The following SLC35F3 variants were observed in gnomAD, a reference collection of about 807,000 sequenced individuals.
SLC35F3 encodes putative thiamine transporter SLC35F3.
Under a neutral mutation model 49.9 loss-of-function variants are expected in SLC35F3, and 25 were observed. The ratio of observed to expected loss-of-function variants is 0.50; its 90% CI spans 0.37 to 0.70. The LOEUF is 0.70. Among genes scored for constraint, SLC35F3 ranks in the 30% least tolerant of loss-of-function variants. The probability of loss-of-function intolerance (pLI) is 0.00; values close to 1 mark genes in which losing one functional copy is unlikely to be tolerated. For missense variants in SLC35F3, 525 were observed against 639.8 expected (o/e 0.82, Z 1.94); for synonymous variants, 275 against 265.4 (o/e 1.04, Z -0.35).
At chr1:234,126,113 A>G (rs921557201) in intron 2 of SLC35F3, among the ~76,000 whole-genome samples, 4 of 152,188 alleles carry the variant, frequency 2.6e-5, no homozygotes, top group African/African-American at 9.7e-5. Flanking sequence ...GTTTATGTCC[A>G]TTCTTTATGC....
intron 3 of SLC35F3, among the ~76,000 whole-genome samples, chr1:234,305,702 TAA>T (rs1447628220): frequency 6.6e-6 from 1 of 152,156 alleles, no homozygotes; most frequent in African/African-American, 2.4e-5. Context: ...TTATTTTTAT[TAA>T]GTCTTTCTTG....
In SLC35F3 at chr1:234,320,251, C is replaced by A; in HGVS notation, c.1237+64C>A. The stretch of plus-strand genomic sequence containing the variant: ...ACACACTCAGTCACCTACTCACACA[C>A]ACATACACACACTCATGCATACATA... On this transcript the variant is annotated intron_variant, in intron 7 of 7. Coordinates refer to ENST00000366618, the MANE Select transcript of SLC35F3 (RefSeq NM_173508.4). The surrounding 1 kb of genome is among the most constrained non-coding windows in gnomAD (Gnocchi z 4.8). The A allele has an allele frequency of 1.8e-6, 2 of 1,110,290 alleles. No homozygotes were observed. Among genetic ancestry groups the A allele is most frequent in the Non-Finnish European group, 2.8e-6 (2 of 724,884 alleles). 68.8% of individuals were successfully genotyped at this position (1,110,290 alleles called of 1,614,324 possible). A position where few individuals can be genotyped will look rare whatever the true frequency, so the allele number is the denominator to read the frequency against.
intron 2 of SLC35F3, among the ~76,000 whole-genome samples, chr1:233,927,797 T>C (rs7538983): frequency 0.47 from 71,234 of 151,900 alleles, 16,983 homozygotes; most frequent in Admixed American, 0.62. Context: ...AAATTGCTTG[T>C]TGCTAAAGAA....
chr1:234,032,404 T>C (rs6696615), intron 2 of SLC35F3, among the ~76,000 whole-genome samples: 15,983 of 152,016 alleles, frequency 0.11, 1,297 homozygotes, highest in East Asian at 0.25. Flanking sequence ...GGAGAGCAGG[T>C]GGTGTTTGGT....
At chr1:233,985,926 A>G (rs149629109) in intron 2 of SLC35F3, among the ~76,000 whole-genome samples, 1,944 of 152,302 alleles carry the variant, frequency 0.013, 35 homozygotes, top group African/African-American at 0.044. Context: ...CCTTTGTAGT[A>G]TAACAGAGAG....
intron 2 of SLC35F3, among the ~76,000 whole-genome samples, chr1:234,013,852 A>C (rs1572019568): frequency 9.9e-6 from 1 of 101,138 alleles, no homozygotes; most frequent in Non-Finnish European, 1.8e-5. Context: ...CTTTCCCATC[A>C]AAAAAAAAAA....
chr1:233,963,827 A>C (rs1662849255), intron 2 of SLC35F3, among the ~76,000 whole-genome samples: 1 of 152,170 alleles, frequency 6.6e-6, no homozygotes, highest in Admixed American at 6.5e-5. Context: ...TCACTATCAC[A>C]CAATTATTGC....
intron 2 of SLC35F3, among the ~76,000 whole-genome samples, chr1:234,015,170 A>G (rs1476926550): frequency 6.6e-6 from 1 of 152,018 alleles, no homozygotes; most frequent in Non-Finnish European, 1.5e-5. Flanking sequence ...ACATGGTGAA[A>G]CCCTGTCTCT....
chr1:234,095,734 T>A (rs746859966), intron 2 of SLC35F3, among the ~76,000 whole-genome samples: 9 of 152,214 alleles, frequency 5.9e-5, no homozygotes, highest in Non-Finnish European at 1.3e-4. Flanking sequence ...TTCTGCCACT[T>A]ACTTGCTGGG....
At position 234,253,457 on chromosome 1, in the gene SLC35F3, T is replaced by TAA. The variant is rs59259237; in HGVS notation, c.608+21726_608+21727dup. ...CAGTGAAAAAGCAACCATTTGAATT[T>TAA]AAAAAAAAAAAGGAGAATAGATATT... On this transcript the variant is annotated intron_variant, in intron 3 of 7. Transcript: ENST00000366618. 2.5e-3 allele frequency among the ~76,000 whole-genome samples: 364 copies of TAA among 147,844 alleles called. 1 individual carries two copies. The highest frequency in any genetic ancestry group is 5.6e-3 in the African/African-American group (225 of 40,538).
At chr1:234,120,511 T>C (rs1451282510) in intron 2 of SLC35F3, among the ~76,000 whole-genome samples, 1 of 152,262 alleles carries the variant, frequency 6.6e-6, no homozygotes, top group East Asian at 1.9e-4. Context: ...TCCCCTTTGA[T>C]TGCCCAGTAT....
At position 234,252,284 on chromosome 1, in the gene SLC35F3, G is replaced by A. The variant is rs909290830; in HGVS notation, c.608+20543G>A. 2.0e-5 allele frequency among the ~76,000 whole-genome samples: 3 copies of A among 152,190 alleles called. No individual in the cohort carries two copies. The East Asian group carries it at 5.8e-4, about 29-fold the overall frequency. On this transcript the variant is annotated intron_variant, in intron 3 of 7. Transcript: ENST00000366618. Reference sequence around the variant, plus strand: ...GGTGTTTCACCGTGTTGGTCAGGCTGGTCTCAAACTCCTGGCCTCAAGTGA... The same window carrying A: ...GGTGTTTCACCGTGTTGGTCAGGCTAGTCTCAAACTCCTGGCCTCAAGTGA...
At chr1:234,303,036 A>C (rs1174079967) in intron 3 of SLC35F3, among the ~76,000 whole-genome samples, 4 of 152,260 alleles carry the variant, frequency 2.6e-5, no homozygotes, top group Non-Finnish European at 4.4e-5. Context: ...AATTTAGCTA[A>C]ATTAAATTCT....
chr1:233,942,480 G>A (rs1662444339), intron 2 of SLC35F3, among the ~76,000 whole-genome samples: 1 of 152,002 alleles, frequency 6.6e-6, no homozygotes, highest in Admixed American at 6.6e-5. Context: ...AGAGTGCGAT[G>A]GCACAATCAT....
At chr1:234,067,017 C>A (rs190274352) in intron 2 of SLC35F3, among the ~76,000 whole-genome samples, 1 of 152,288 alleles carries the variant, frequency 6.6e-6, no homozygotes, top group African/African-American at 2.4e-5. Flanking sequence ...ACAAATAACT[C>A]TTATAATAAA....
In SLC35F3 at chr1:234,065,706, A is replaced by C. The variant is rs182153767; in HGVS notation, c.283+159948A>C. ...ACAGTATGTATGACCTTTTGAAAAT[A>C]AAACATTTCTTGGTTGACTACACCT... On this transcript the variant is annotated intron_variant, in intron 2 of 7. Transcript: ENST00000366618. Among the ~76,000 whole-genome samples, 167 of 152,336 alleles carry C rather than the reference A, an allele frequency of 1.1e-3. 1 individual carries two copies. The South Asian group carries it at 0.014, about 13-fold the overall frequency.
intron 2 of SLC35F3, among the ~76,000 whole-genome samples, chr1:234,140,002 A>AATAAAATAAATAAAAAT: frequency 1.9e-5 from 2 of 105,368 alleles, no homozygotes; most frequent in African/African-American, 3.1e-5. Flanking sequence ...AATAAAATAA[A>AATAAAATAAATAAAAAT]GTAAGTGACT....
intron 2 of SLC35F3, among the ~76,000 whole-genome samples, chr1:234,180,218 A>C (rs537105587): frequency 3.6e-4 from 55 of 152,286 alleles, no homozygotes; most frequent in African/African-American, 1.3e-3. Flanking sequence ...CCTCTTTTTC[A>C]AAAGGATGTG....
At chr1:234,284,222 GAT>G (rs1668374846) in intron 3 of SLC35F3, among the ~76,000 whole-genome samples, 1 of 152,158 alleles carries the variant, frequency 6.6e-6, no homozygotes, top group Non-Finnish European at 1.5e-5. Flanking sequence ...AACTTTTTAA[GAT>G]AGGTTTTATT....
Sources: gnomAD v4.1 joint callset for allele counts (sites outside exome capture counted in the v4.1 genomes callset) on GRCh38, gnomAD v4.1.1 for gene constraint, Gnocchi (gnomAD v3.1) non-coding constraint, MANE v1.5 for transcripts, NCBI Gene and HGNC (gene_info 2026-07-23, HGNC 2026-07-21) for gene names.